The following SPIN1 variants were observed in gnomAD, a reference collection of about 807,000 sequenced individuals.
SPIN1 encodes the protein spindlin 1.
In SPIN1, 3 loss-of-function variants were observed where a neutral mutation model predicts 26.0. That is an observed-to-expected ratio of 0.12 (90% CI 0.05 to 0.30). SPIN1 has a LOEUF of 0.30. SPIN1 is among the 10% of genes least tolerant of loss of function. The probability of loss-of-function intolerance (pLI) is 1.00; values close to 1 mark genes in which losing one functional copy is unlikely to be tolerated. For missense variants in SPIN1, 126 were observed against 333.4 expected (o/e 0.38, Z 4.84); for synonymous variants, 101 against 116.5 (o/e 0.87, Z 0.86).
intron 1 of SPIN1, among the ~76,000 whole-genome samples, chr9:88,390,513 T>C (rs1826896679): frequency 6.6e-6 from 1 of 152,232 alleles, no homozygotes; most frequent in Non-Finnish European, 1.5e-5. Flanking sequence ...TAGCATCTTT[T>C]TTCTAGTATA....
At chr9:88,421,751 T>C (rs528978072) in intron 1 of SPIN1, among the ~76,000 whole-genome samples, 4 of 152,156 alleles carry the variant, frequency 2.6e-5, no homozygotes, top group African/African-American at 9.6e-5. Flanking sequence ...TGGCCCACTT[T>C]TCATGTACAA....
intron 2 of SPIN1, among the ~76,000 whole-genome samples, chr9:88,446,432 G>T (rs1828252587): frequency 1.4e-5 from 2 of 147,464 alleles, no homozygotes. Flanking sequence ...TTTTGACGGA[G>T]GTTTGCTCTT....
chr9:88,447,064 T>TA (rs1828264608), intron 2 of SPIN1, among the ~76,000 whole-genome samples: 1 of 152,214 alleles, frequency 6.6e-6, no homozygotes, highest in South Asian at 2.1e-4. Context: ...GGCCAGTTGA[T>TA]ATTGTCCTAA....
intron 1 of SPIN1, chr9:88,410,829 A>G (rs1245434252): frequency 2.2e-6 from 2 of 929,028 alleles, no homozygotes; most frequent in Non-Finnish European, 3.5e-6. Context: ...CAGAGTTGTC[A>G]TTCCCACTGA....
chr9:88,444,208 C>G (rs1291160255), intron 2 of SPIN1, among the ~76,000 whole-genome samples: 2 of 145,294 alleles, frequency 1.4e-5, no homozygotes, highest in Non-Finnish European at 3.0e-5. Flanking sequence ...TCAGGAGCTG[C>G]TTTCCCTTTT....
At chr9:88,398,300 GT>G (rs1827110798) in intron 1 of SPIN1, among the ~76,000 whole-genome samples, 1 of 151,942 alleles carries the variant, frequency 6.6e-6, no homozygotes, top group Admixed American at 6.6e-5. Context: ...AGTCCTCTTG[GT>G]GCTTATCAGA....
intron 1 of SPIN1, among the ~76,000 whole-genome samples, chr9:88,392,680 A>G (rs60790499): frequency 0.019 from 2,853 of 150,650 alleles, 90 homozygotes; most frequent in African/African-American, 0.067. Context: ...ACTATTTTCT[A>G]TCTATCCTCC....
chr9:88,424,207 A>C lies in SPIN1; in HGVS notation c.-158-2175A>C, dbSNP rs190776006. The stretch of plus-strand genomic sequence containing the variant: ...ATCTTTTATTATGGAGACAAAGGGT[A>C]CTGATCAGTTAGTCAATTTGGTGGT... On this transcript the variant is annotated intron_variant, in intron 1 of 5. Transcript: ENST00000375859. Among the ~76,000 whole-genome samples the C allele has an allele frequency of 2.3e-3, 357 of 151,960 alleles. 1 individual carries two copies. The highest frequency in any genetic ancestry group is 8.1e-3 in the African/African-American group (338 of 41,506).
rs749526634 is a variant in SPIN1 at position 88,426,624 on chromosome 9, T to C, written c.52+33T>C. 9 of 1,545,522 alleles carry C rather than the reference T, an allele frequency of 5.8e-6. No individual in the cohort carries two copies. In the South Asian group the frequency reaches 6.0e-5, roughly 10 times the overall value. ...TTGCGGTTCTACACATATTTAAATATATACTTTAATATAATTCATTTCAAA... is the reference window on the plus strand; with the variant it reads ...TTGCGGTTCTACACATATTTAAATACATACTTTAATATAATTCATTTCAAA... On this transcript the variant is annotated intron_variant, in intron 2 of 5. Transcript: ENST00000375859.
chr9:88,431,452 G>T (rs1016571663), intron 2 of SPIN1, among the ~76,000 whole-genome samples: 1 of 149,014 alleles, frequency 6.7e-6, no homozygotes, highest in Non-Finnish European at 1.5e-5. Flanking sequence ...CACCACGCCC[G>T]GCCAATTTTG....
intron 3 of SPIN1, among the ~76,000 whole-genome samples, chr9:88,461,644 G>A (rs1485089597): frequency 2.0e-5 from 3 of 152,114 alleles, no homozygotes; most frequent in Non-Finnish European, 4.4e-5. Flanking sequence ...TGTGGGAAGG[G>A]AATTCCTTTC....
At chr9:88,408,376 CTTTTTT>C (rs1177261349) in intron 1 of SPIN1, among the ~76,000 whole-genome samples, 1 of 115,436 alleles carries the variant, frequency 8.7e-6, no homozygotes, top group Non-Finnish European at 1.7e-5. Flanking sequence ...TCCTTTTTTT[CTTTTTT>C]TTTTTTTTTT....
At chr9:88,453,968 A>G (rs1367338372) in intron 3 of SPIN1, among the ~76,000 whole-genome samples, 1 of 152,212 alleles carries the variant, frequency 6.6e-6, no homozygotes, top group Non-Finnish European at 1.5e-5. Flanking sequence ...TTTTTTAGCC[A>G]TTACACAGAT....
intron 1 of SPIN1, among the ~76,000 whole-genome samples, chr9:88,416,951 G>A (rs1291230744): frequency 1.3e-5 from 2 of 152,200 alleles, no homozygotes; most frequent in Admixed American, 1.3e-4. Flanking sequence ...ACATAGAAGA[G>A]TTGAAACTAT....
chr9:88,395,360 A>G (rs917120194), intron 1 of SPIN1, among the ~76,000 whole-genome samples: 6 of 134,580 alleles, frequency 4.5e-5, no homozygotes, highest in Non-Finnish European at 9.4e-5. Flanking sequence ...CTGCCGTTCT[A>G]TGCACACTGC....
chr9:88,445,516 C>CTTT (rs1210323382), intron 2 of SPIN1, among the ~76,000 whole-genome samples: 1 of 107,936 alleles, frequency 9.3e-6, no homozygotes, highest in Non-Finnish European at 1.9e-5. Context: ...TGTATTGAGA[C>CTTT]TTTTATTATT....
intron 5 of SPIN1, among the ~76,000 whole-genome samples, chr9:88,469,230 G>C (rs1828731013): frequency 1.3e-5 from 2 of 152,224 alleles, no homozygotes; most frequent in Admixed American, 6.5e-5. Flanking sequence ...GTGAGAATCT[G>C]ATGCCTCTGC....
Position 88,409,982 on chromosome 9 carries a change from C to T in SPIN1, c.-158-16400C>T, listed in dbSNP as rs147187680. Reference sequence around the variant, plus strand: ...CCCTGTAACCCCCTTTGGTATTTTCCGAATTTTAGTTCTTTTCTCCTAATC... The same window carrying T: ...CCCTGTAACCCCCTTTGGTATTTTCTGAATTTTAGTTCTTTTCTCCTAATC... On this transcript the variant is annotated intron_variant, in intron 1 of 5. Transcript: ENST00000375859. Among the ~76,000 whole-genome samples, 34 of 152,186 alleles carry T rather than the reference C, an allele frequency of 2.2e-4. No homozygotes were observed. The East Asian group carries it at 6.4e-3, about 29-fold the overall frequency.
chr9:88,422,547 GTTTT>G (rs1827689628), intron 1 of SPIN1, among the ~76,000 whole-genome samples: 1 of 152,110 alleles, frequency 6.6e-6, no homozygotes, highest in African/African-American at 2.4e-5. Context: ...ACTCATTAGT[GTTTT>G]CCTTTTGATC....
Sources: gnomAD v4.1 joint callset for allele counts (sites outside exome capture counted in the v4.1 genomes callset) on GRCh38, gnomAD v4.1.1 for gene constraint, MANE v1.5 for transcripts, NCBI Gene and HGNC (gene_info 2026-07-23, HGNC 2026-07-21) for gene names.